The following CECR2 variants were observed in gnomAD, a reference collection of about 807,000 sequenced individuals.
The protein encoded by CECR2 is CECR2 histone acetyl-lysine reader, also known as chromatin remodeling regulator CECR2.
CECR2 carries 30 observed loss-of-function variants against 154.5 expected under a neutral mutation model. The ratio of observed to expected loss-of-function variants is 0.19; its 90% CI spans 0.15 to 0.26. CECR2 has a LOEUF of 0.26. CECR2 is among the 10% of genes least tolerant of loss of function. The pLI is 1.00. For missense variants in CECR2, 1,743 were observed against 1,829.3 expected, an observed-to-expected ratio of 0.95 and a Z score of 0.86; for synonymous variants, 725 against 683.7, an observed-to-expected ratio of 1.06 and a Z score of -0.94.
intron 2 of CECR2, among the ~76,000 whole-genome samples, chr22:17,490,790 G>A (rs1401213689): frequency 1.3e-5 from 2 of 151,886 alleles, no homozygotes; most frequent in Admixed American, 1.3e-4. Flanking sequence ...TGGTTTTTAT[G>A]TATTAACAAA....
intron 8 of CECR2, among the ~76,000 whole-genome samples, chr22:17,522,028 T>G (rs547544005): frequency 6.6e-6 from 1 of 152,334 alleles, no homozygotes; most frequent in East Asian, 1.9e-4. Context: ...CTGTTACTGG[T>G]TTTTGTCAGG....
At chr22:17,492,599 G>A (rs1430014273) in intron 2 of CECR2, among the ~76,000 whole-genome samples, 1 of 152,178 alleles carries the variant, frequency 6.6e-6, no homozygotes, top group East Asian at 1.9e-4. Flanking sequence ...GGGAAAAAAA[G>A]AGGTAATTAA....
At chr22:17,380,012 G>C (rs1256163167) in intron 1 of CECR2, among the ~76,000 whole-genome samples, 3 of 151,880 alleles carry the variant, frequency 2.0e-5, no homozygotes, top group East Asian at 1.9e-4. Flanking sequence ...CCTGTGTCTT[G>C]TTTTTTATTC....
At chr22:17,408,124 A>G (rs771830583) in intron 1 of CECR2, among the ~76,000 whole-genome samples, 31 of 152,154 alleles carry the variant, frequency 2.0e-4, no homozygotes, top group Non-Finnish European at 3.5e-4. Flanking sequence ...AGTGAATTCA[A>G]TATGTTGTGC....
chr22:17,474,257 C>G (rs2055173864), intron 1 of CECR2, among the ~76,000 whole-genome samples: 1 of 152,126 alleles, frequency 6.6e-6, no homozygotes. Flanking sequence ...GCTTCTGACA[C>G]AGTAAACATA....
intron 18 of CECR2, among the ~76,000 whole-genome samples, chr22:17,552,560 T>G (rs10854510): frequency 0.05 from 7,567 of 152,084 alleles, 618 homozygotes; most frequent in African/African-American, 0.17. Flanking sequence ...TCCCATGCAG[T>G]CTTTCCCTTG....
intron 1 of CECR2, among the ~76,000 whole-genome samples, chr22:17,421,237 G>A (rs374510631): frequency 6.6e-6 from 1 of 151,580 alleles, no homozygotes; most frequent in East Asian, 1.9e-4. Context: ...ATCCCAGCAC[G>A]TTGGGAGGCC....
chr22:17,466,901 C>T (rs887070559), intron 1 of CECR2, among the ~76,000 whole-genome samples: 4 of 152,032 alleles, frequency 2.6e-5, no homozygotes, highest in African/African-American at 9.7e-5. Context: ...CAAAACCTTT[C>T]ATTTTTTTCC....
chr22:17,420,227 C>T (rs1046389910), intron 1 of CECR2, among the ~76,000 whole-genome samples: 3 of 151,166 alleles, frequency 2.0e-5, no homozygotes, highest in Admixed American at 6.6e-5. Flanking sequence ...TAAGTAATCT[C>T]CTATCCTTTG....
chr22:17,430,161 T>G (rs778182415), intron 1 of CECR2, among the ~76,000 whole-genome samples: 2 of 152,242 alleles, frequency 1.3e-5, no homozygotes, highest in Non-Finnish European at 2.9e-5. Context: ...GCTTCTGAAA[T>G]GCTGCTGTTA....
chr22:17,506,724 GC>G (rs1318203784), intron 7 of CECR2, among the ~76,000 whole-genome samples: 5 of 151,986 alleles, frequency 3.3e-5, no homozygotes, highest in Non-Finnish European at 5.9e-5. Context: ...CACAATCTTG[GC>G]CCCCCGCAGC....
chr22:17,554,104 C>G lies in CECR2; in HGVS notation c.*1264C>G, dbSNP rs1691129952. 1 of 152,062 alleles carries G rather than the reference C, an allele frequency of 6.6e-6. No homozygotes were observed. The highest frequency in any genetic ancestry group is 2.4e-5 in the African/African-American group (1 of 41,394). The allele number at this position is 152,062 out of a possible 1,614,324, so 9.4% of individuals were successfully genotyped here. A position where few individuals can be genotyped will look rare whatever the true frequency, so the allele number is the denominator to read the frequency against. On this transcript the variant is annotated 3_prime_UTR_variant, in exon 19 of 19. Transcript: ENST00000262608. ...TATCTGTTGTATCTGTGATAGGAAA[C>G]CATTTTACAGTATTAAATTACTTTA...
upstream of CECR2, among the ~76,000 whole-genome samples, chr22:17,366,569 C>G (rs1406697991): frequency 6.6e-6 from 1 of 152,064 alleles, no homozygotes; most frequent in Non-Finnish European, 1.5e-5. Flanking sequence ...CAATAGCACT[C>G]CGAATCAAAG....
At chr22:17,533,092 C>T (rs1216355915) in intron 9 of CECR2, among the ~76,000 whole-genome samples, 9 of 151,606 alleles carry the variant, frequency 5.9e-5, no homozygotes. Flanking sequence ...CCGAGGCGGG[C>T]AGATCACGAG....
intron 1 of CECR2, among the ~76,000 whole-genome samples, chr22:17,449,710 CGATCTCCTGACCTCGT>C (rs1315368896): frequency 2.0e-5 from 3 of 151,856 alleles, no homozygotes; most frequent in Non-Finnish European, 2.9e-5. Context: ...AGGATGGTCT[CGATCTCCTGACCTCGT>C]GATCTGCCCG....
At chr22:17,541,541 T>C (rs2056522281) in intron 14 of CECR2, among the ~76,000 whole-genome samples, 1 of 152,232 alleles carries the variant, frequency 6.6e-6, no homozygotes, top group South Asian at 2.1e-4. Flanking sequence ...TAAGATTTCA[T>C]GGTAGCAGGC....
intron 1 of CECR2, among the ~76,000 whole-genome samples, chr22:17,405,900 G>T (rs2053977150): frequency 6.6e-6 from 1 of 152,108 alleles, no homozygotes; most frequent in African/African-American, 2.4e-5. Context: ...AAAATGTAGA[G>T]GCCAGAGTAG....
At chr22:17,462,905 C>T (rs923115214) in intron 1 of CECR2, among the ~76,000 whole-genome samples, 7 of 151,976 alleles carry the variant, frequency 4.6e-5, no homozygotes, top group Admixed American at 6.5e-5. Context: ...GATCGAGACT[C>T]CGTCTCAAAA....
intron 1 of CECR2, among the ~76,000 whole-genome samples, chr22:17,470,038 C>T (rs1397903413): frequency 6.6e-6 from 1 of 152,166 alleles, no homozygotes; most frequent in African/African-American, 2.4e-5. Flanking sequence ...CCTTTCTGCT[C>T]GTGTGGCTTC....
Sources: allele counts gnomAD v4.1 joint callset (sites outside exome capture counted in the v4.1 genomes callset), GRCh38; gene constraint gnomAD v4.1.1; transcripts MANE v1.5; gene names NCBI Gene and HGNC (gene_info 2026-07-23, HGNC 2026-07-21).